ADAM18: variants seen among roughly 807,000 people sequenced by gnomAD.
ADAM18 encodes the protein ADAM metallopeptidase domain 18.
Under a neutral mutation model 94.4 loss-of-function variants are expected in ADAM18, and 117 were observed. The ratio of observed to expected loss-of-function variants is 1.24; its 90% confidence interval spans 1.07 to 1.45. The LOEUF is 1.45. Ranked by LOEUF, ADAM18 falls within the 40% of genes most tolerant of loss-of-function variation. The pLI is 0.00. For missense variants in ADAM18, 936 were observed against 880.0 expected (o/e 1.06, Z -0.81); for synonymous variants, 327 against 291.6 (o/e 1.12, Z -1.24).
At chr8:39,640,845 G>A (rs999875598) in intron 10 of ADAM18, among the ~76,000 whole-genome samples, 3 of 148,088 alleles carry the variant, frequency 2.0e-5, no homozygotes, top group African/African-American at 7.4e-5. Flanking sequence ...GTCTGTTCTT[G>A]TCCTTTGTCC....
At chr8:39,697,998 T>G (rs1299656445) in intron 17 of ADAM18, among the ~76,000 whole-genome samples, 1 of 151,840 alleles carries the variant, frequency 6.6e-6, no homozygotes, top group Non-Finnish European at 1.5e-5. Context: ...TTGGACATTT[T>G]TAAATCATTA....
intron 6 of ADAM18, among the ~76,000 whole-genome samples, chr8:39,615,604 T>C (rs4598219): frequency 0.91 from 138,516 of 152,242 alleles, 63,188 homozygotes; most frequent in Middle Eastern, 0.98. Context: ...CCACAGTAAA[T>C]ATACTCAACA....
chr8:39,716,482 A>T (rs753886902), intron 18 of ADAM18, among the ~76,000 whole-genome samples: 1 of 152,018 alleles, frequency 6.6e-6, no homozygotes, highest in South Asian at 2.1e-4. Flanking sequence ...GTTTTGTTTC[A>T]TTCCCACATT....
chr8:39,704,710 G>T (rs1486219799), intron 17 of ADAM18, among the ~76,000 whole-genome samples: 2 of 152,034 alleles, frequency 1.3e-5, no homozygotes, highest in East Asian at 3.9e-4. Flanking sequence ...ATGCAGTTAA[G>T]GAGTGACCAT....
chr8:39,641,836 G>A (rs752484469), intron 10 of ADAM18, among the ~76,000 whole-genome samples: 6 of 151,900 alleles, frequency 3.9e-5, no homozygotes, highest in East Asian at 1.9e-4. Context: ...GAAACACCAC[G>A]CTGTTTTCCA....
At chr8:39,699,527 G>A (rs1235007960) in intron 17 of ADAM18, among the ~76,000 whole-genome samples, 1 of 152,016 alleles carries the variant, frequency 6.6e-6, no homozygotes, top group African/African-American at 2.4e-5. Context: ...GAGATGTGTG[G>A]TGTTAATATT....
chr8:39,609,060 C>A lies in ADAM18; in HGVS notation c.207C>A (p.Asn69Lys), dbSNP rs1819179538. Residue 69 changes from asparagine to lysine, a missense_variant, in exon 4 of 20, where the codon AAC (asparagine) becomes AAA (lysine). By Grantham distance (94) the Asn-to-Lys change is moderately conservative. Transcript: ENST00000265707. Reference protein sequence around the residue: ...HLGKQSFLPQNFLVYTYNETG... With the variant: ...HLGKQSFLPQKFLVYTYNETG... Reference sequence around the variant, plus strand: ...TTTTTAGATCATTCTTACCCCAGAACTTTTTGGTTTATACATATAATGAAA... The same window carrying A: ...TTTTTAGATCATTCTTACCCCAGAAATTTTTGGTTTATACATATAATGAAA... 6.3e-7 allele frequency: 1 copy of A among 1,582,038 alleles called. No homozygotes were observed. The highest frequency in any genetic ancestry group is 1.4e-5 in the African/African-American group (1 of 73,350).
In ADAM18 at chr8:39,680,098, G is replaced by T. The variant is rs145394319; in HGVS notation, c.1693G>T (p.Ala565Ser). The change falls in exon 16 of 20, where the codon GCT becomes TCT. Residue 565 changes from alanine (A) to serine (S), a missense_variant. Transcript: ENST00000265707. ...ACATAAAAATGCTAATAAAAGTGACGCTCAATCTACAGTTTATTCATATAT... is the reference window on the plus strand; with the variant it reads ...ACATAAAAATGCTAATAAAAGTGACTCTCAATCTACAGTTTATTCATATAT... ...QPHKNANKSD[A>S]QSTVYSYIQD... 6.2e-7 allele frequency: 1 copy of T among 1,613,552 alleles called. No homozygotes were observed.
chr8:39,628,689 G>T (rs1819843329), intron 6 of ADAM18, among the ~76,000 whole-genome samples: 1 of 151,978 alleles, frequency 6.6e-6, no homozygotes, highest in South Asian at 2.1e-4. Flanking sequence ...TTCTATATGT[G>T]AGAAGGCACT....
chr8:39,595,773 C>A (rs890731263), intron 2 of ADAM18, among the ~76,000 whole-genome samples: 1 of 152,226 alleles, frequency 6.6e-6, no homozygotes, highest in Non-Finnish European at 1.5e-5. Context: ...ATCCACCCAC[C>A]TCGGCCTCCC....
intron 12 of ADAM18, among the ~76,000 whole-genome samples, chr8:39,654,999 T>A (rs577605673): frequency 6.6e-6 from 1 of 152,370 alleles, no homozygotes; most frequent in South Asian, 2.1e-4. Context: ...CTCTTCACTC[T>A]GTTAATTGTT....
At chr8:39,636,992 T>C (rs181663338) in intron 7 of ADAM18, among the ~76,000 whole-genome samples, 4 of 145,822 alleles carry the variant, frequency 2.7e-5, no homozygotes, top group Admixed American at 1.4e-4. Context: ...TATTCAAGGC[T>C]TAATAATATT....
chr8:39,624,313 G>T (rs1403359516), intron 6 of ADAM18, among the ~76,000 whole-genome samples: 1 of 152,140 alleles, frequency 6.6e-6, no homozygotes, highest in East Asian at 1.9e-4. Flanking sequence ...TCCATCTTGA[G>T]TTGATTTTTG....
intron 10 of ADAM18, among the ~76,000 whole-genome samples, chr8:39,640,875 T>C (rs558086794): frequency 6.6e-6 from 1 of 152,220 alleles, no homozygotes; most frequent in Non-Finnish European, 1.5e-5. Flanking sequence ...TGGTTTTTTT[T>C]TTCTTGTTAA....
intron 2 of ADAM18, 121 bp downstream of exon 2, chr8:39,585,473 C>CTATT: frequency 5.6e-6 from 4 of 709,368 alleles, no homozygotes; most frequent in Non-Finnish European, 9.3e-6. Context: ...TTTGCCTGTG[C>CTATT]TATTTTGTCT....
chr8:39,650,135 T>G (rs1170605002), intron 12 of ADAM18, among the ~76,000 whole-genome samples: 1 of 152,182 alleles, frequency 6.6e-6, no homozygotes, highest in Non-Finnish European at 1.5e-5. Context: ...AACCAAGACA[T>G]TTCAGAAAGA....
At chr8:39,598,759 C>A (rs1176339980) in intron 2 of ADAM18, among the ~76,000 whole-genome samples, 4 of 140,786 alleles carry the variant, frequency 2.8e-5, no homozygotes, top group South Asian at 2.2e-4. Context: ...CAGAGCAAGA[C>A]TCCGTCTCAA....
At chr8:39,643,829 C>T (rs1820304268) in intron 10 of ADAM18, among the ~76,000 whole-genome samples, 1 of 150,788 alleles carries the variant, frequency 6.6e-6, no homozygotes, top group Non-Finnish European at 1.5e-5. Context: ...AAGTGCAAGA[C>T]CATATTTCCC....
chr8:39,664,449 G>T (rs1820936204), intron 13 of ADAM18, among the ~76,000 whole-genome samples: 1 of 152,086 alleles, frequency 6.6e-6, no homozygotes, highest in Non-Finnish European at 1.5e-5. Flanking sequence ...AGGGTTCCTG[G>T]AACCAAATGC....
Sources: gnomAD v4.1 joint callset for allele counts (sites outside exome capture counted in the v4.1 genomes callset) on GRCh38, gnomAD v4.1.1 for gene constraint, MANE v1.5 for transcripts, NCBI Gene and HGNC (gene_info 2026-07-23, HGNC 2026-07-21) for gene names.